Variants in LYRM4 observed in about 807,000 individuals in gnomAD.
LYRM4 encodes the protein LYR motif-containing protein 4.
LYRM4 carries 9 observed loss-of-function variants against 11.7 expected under a neutral mutation model. The observed-to-expected ratio is 0.77, with a 90% CI of 0.46 to 1.34. LYRM4 has a LOEUF of 1.34. Among genes scored for constraint, LYRM4 ranks in the 40% most tolerant of loss-of-function variants. LYRM4 has a pLI of 0.00. For synonymous variants in LYRM4, 42 were observed against 40.4 expected (o/e 1.04, Z -0.15); for missense variants, 133 against 112.5 (o/e 1.18, Z -0.82).
At chr6:5,112,150 C>T (rs445229) in intron 2 of LYRM4, among the ~76,000 whole-genome samples, 92,082 of 152,034 alleles carry the variant, frequency 0.61, 28,701 homozygotes, top group East Asian at 0.92. Flanking sequence ...GCAGCCTGGG[C>T]GGCACGCTCG....
intron 1 of LYRM4, chr6:5,218,211 C>T (rs1762388192): frequency 4.1e-6 from 4 of 977,112 alleles, no homozygotes; most frequent in Non-Finnish European, 4.9e-6. Flanking sequence ...CTGGCTCTCT[C>T]GTCTTCTTAA....
intron 2 of LYRM4, among the ~76,000 whole-genome samples, chr6:5,131,367 CTAAA>C (rs1165636600): frequency 6.6e-6 from 1 of 152,118 alleles, no homozygotes; most frequent in Non-Finnish European, 1.5e-5. Context: ...AATGGACAAA[CTAAA>C]TACACACACA....
At chr6:5,182,052 A>G (rs924808924) in intron 2 of LYRM4, among the ~76,000 whole-genome samples, 8 of 152,208 alleles carry the variant, frequency 5.3e-5, no homozygotes, top group Non-Finnish European at 1.0e-4. Context: ...ACTTTGTAAT[A>G]AGTAAACTTT....
At chr6:5,176,552 T>A (rs964374025) in intron 2 of LYRM4, among the ~76,000 whole-genome samples, 1 of 152,186 alleles carries the variant, frequency 6.6e-6, no homozygotes, top group Non-Finnish European at 1.5e-5. Context: ...GTTCCTCCCC[T>A]CCTCAGGAAC....
chr6:5,114,161 C>T (rs756586317), intron 2 of LYRM4, among the ~76,000 whole-genome samples: 3 of 152,188 alleles, frequency 2.0e-5, no homozygotes, highest in Non-Finnish European at 2.9e-5. Flanking sequence ...AGTTTGTCTC[C>T]GTTCTGCCTG....
the LYRM4 span, among the ~76,000 whole-genome samples, chr6:5,068,835 C>T: frequency 1.3e-5 from 2 of 152,142 alleles, no homozygotes; most frequent in Non-Finnish European, 2.9e-5. The surrounding 1 kb of genome is among the most constrained non-coding windows in gnomAD (Gnocchi z 4.0). Context: ...CTGCTGATTT[C>T]TTTGGGCATT....
chr6:5,225,861 A>T (rs1347280832), intron 1 of LYRM4, among the ~76,000 whole-genome samples: 1 of 152,250 alleles, frequency 6.6e-6, no homozygotes, highest in Non-Finnish European at 1.5e-5. Context: ...GTGCATCATC[A>T]AACTTTTTGA....
intron 2 of LYRM4, among the ~76,000 whole-genome samples, chr6:5,195,507 G>A (rs1191870721): frequency 1.3e-5 from 2 of 152,030 alleles, no homozygotes; most frequent in Non-Finnish European, 2.9e-5. Flanking sequence ...GGTGGCATGC[G>A]CCTGTAGTCC....
At chr6:5,251,649 T>C (rs780718358) in intron 1 of LYRM4, among the ~76,000 whole-genome samples, 19 of 152,162 alleles carry the variant, frequency 1.2e-4, no homozygotes, top group Non-Finnish European at 2.4e-4. Flanking sequence ...CCTGCCCCCA[T>C]GATCCAATTA....
At chr6:5,249,197 G>C (rs1399278755) in intron 1 of LYRM4, among the ~76,000 whole-genome samples, 2 of 152,202 alleles carry the variant, frequency 1.3e-5, no homozygotes, top group Non-Finnish European at 2.9e-5. Context: ...TGCAACTGTA[G>C]TAGTCTCAAT....
At chr6:5,178,805 A>AT (rs1759882118) in intron 2 of LYRM4, among the ~76,000 whole-genome samples, 1 of 28,360 alleles carries the variant, frequency 3.5e-5, no homozygotes, top group Non-Finnish European at 6.8e-5. Flanking sequence ...ACTCTGTCTC[A>AT]AAAAAAAAAA....
chr6:5,156,377 G>A (rs899955514), intron 2 of LYRM4, among the ~76,000 whole-genome samples: 2 of 152,192 alleles, frequency 1.3e-5, no homozygotes, highest in African/African-American at 2.4e-5. Flanking sequence ...GCTGGGGCAG[G>A]AACCCATGGT....
chr6:5,085,482 C>T, the LYRM4 span: 6 of 1,530,568 alleles, frequency 3.9e-6, no homozygotes, highest in Middle Eastern at 2.3e-4. Context: ...GGGCGAACGG[C>T]GTCATGGAGC....
intron 2 of LYRM4, among the ~76,000 whole-genome samples, chr6:5,181,537 A>C (rs1760074834): frequency 6.6e-6 from 1 of 152,194 alleles, no homozygotes; most frequent in Non-Finnish European, 1.5e-5. Flanking sequence ...CTAGATTTTC[A>C]AATGGTCCCT....
the LYRM4 span, among the ~76,000 whole-genome samples, chr6:5,098,201 G>T: frequency 6.5e-3 from 993 of 152,250 alleles, 7 homozygotes; most frequent in African/African-American, 0.022. Context: ...GCTCCGTTCC[G>T]AACCCAGCCA....
chr6:5,253,169 T>C (rs1198153621), intron 1 of LYRM4, among the ~76,000 whole-genome samples: 1 of 152,214 alleles, frequency 6.6e-6, no homozygotes, highest in Non-Finnish European at 1.5e-5. Flanking sequence ...GATGAAGAAT[T>C]AGGGAGTTCT....
Position 5,108,880 on chromosome 6 carries a change from G to A in LYRM4, c.*543C>T. The stretch of plus-strand genomic sequence containing the variant: ...TCAGGTATAAGTTGCAGGGTGCACC[G>A]TGTATCCCCGTAGCCCTGCCCTACT... On this transcript the variant is annotated 3_prime_UTR_variant, in exon 3 of 3. Transcript: ENST00000330636. The A allele has an allele frequency of 1.0e-6, 1 of 989,060 alleles. No individual in the cohort carries two copies. Among genetic ancestry groups the A allele is most frequent in the Non-Finnish European group, 1.2e-6 (1 of 831,946 alleles). The allele number at this position is 989,060 out of a possible 1,614,324, so 61.3% of individuals were successfully genotyped here. A position where few individuals can be genotyped will look rare whatever the true frequency, so the allele number is the denominator to read the frequency against.
At chr6:5,057,277 T>C in the LYRM4 span, among the ~76,000 whole-genome samples, 257 of 152,316 alleles carry the variant, frequency 1.7e-3, 2 homozygotes, top group Non-Finnish European at 3.0e-3. Context: ...TGCTAAAGCC[T>C]GCACGGGCTT....
At chr6:5,219,562 T>C (rs1459289520) in intron 1 of LYRM4, among the ~76,000 whole-genome samples, 2 of 152,198 alleles carry the variant, frequency 1.3e-5, no homozygotes, top group African/African-American at 4.8e-5. Flanking sequence ...GAAGAGTTTC[T>C]TCCTTAGTTG....
Sources: allele counts gnomAD v4.1 joint callset (sites outside exome capture counted in the v4.1 genomes callset), GRCh38; gene constraint gnomAD v4.1.1; non-coding constraint Gnocchi (gnomAD v3.1); transcripts MANE v1.5; gene names NCBI Gene and HGNC (gene_info 2026-07-23, HGNC 2026-07-21).